The following LYN variants were observed in gnomAD, a reference collection of about 807,000 sequenced individuals.
LYN encodes tyrosine-protein kinase Lyn.
LYN carries 12 observed loss-of-function variants against 65.0 expected under a neutral mutation model. The observed-to-expected ratio is 0.18, with a 90% CI of 0.12 to 0.30. LYN has a LOEUF of 0.30. LYN is among the 10% of genes least tolerant of loss of function. The pLI is 1.00. For synonymous variants in LYN, 222 were observed against 221.2 expected, an observed-to-expected ratio of 1.00 and a Z score of -0.03; for missense variants, 380 against 623.2, an observed-to-expected ratio of 0.61 and a Z score of 4.16.
In LYN at chr8:55,942,026, C is replaced by T; in HGVS notation, c.132+35C>T. On this transcript the variant is annotated intron_variant, in intron 2 of 12. Coordinates refer to ENST00000519728, the MANE Select transcript of LYN (RefSeq NM_002350.4). ...TAGTCTCAGGGGAGAATTCCCACAG[C>T]AAGATCAAAGCATGGCTACATAATT... 1.2e-6 allele frequency: 2 copies of T among 1,608,962 alleles called. No individual in the cohort carries two copies. The highest frequency in any genetic ancestry group is 3.4e-5 in the Admixed American group (2 of 59,440).
chr8:55,999,548 A>G lies in LYN; in HGVS notation c.1335A>G (p.Pro445=). ...TCACCTATGGGAAAATTCCCTACCCAGGTATGGTTTACTTAGCTATTTACA... is the reference window on the plus strand; with the variant it reads ...TCACCTATGGGAAAATTCCCTACCCGGGTATGGTTTACTTAGCTATTTACA... The part of the protein sequence containing the change: ...EIVTYGKIPY[P]GRTNADVMTA... The change falls in exon 12 of 13, where the codon CCA becomes CCG. Residue 445 remains proline, a splice_region_variant and synonymous_variant. Coordinates refer to ENST00000519728, the MANE Select transcript of LYN (RefSeq NM_002350.4). 1.2e-6 allele frequency: 2 copies of G among 1,613,620 alleles called. No individual in the cohort carries two copies. Among genetic ancestry groups the G allele is most frequent in the Non-Finnish European group, 1.7e-6 (2 of 1,179,522 alleles).
chr8:55,944,444 GT>G lies in LYN; in HGVS notation c.133-2000del, dbSNP rs1402559444. ...ATACCATATGCTATAGATTTTGTAG[GT>G]TTTAAAACACAAGTTTTTTCGTTTT... On this transcript the variant is annotated intron_variant, in intron 2 of 12. Coordinates refer to ENST00000519728, the MANE Select transcript of LYN (RefSeq NM_002350.4). Among the ~76,000 whole-genome samples, 16 of 152,196 alleles carry G rather than the reference GT, an allele frequency of 1.1e-4. No homozygotes were observed. The East Asian group carries it at 3.1e-3, about 29-fold the overall frequency.
intron 8 of LYN, among the ~76,000 whole-genome samples, chr8:55,954,443 T>C (rs2130499684): frequency 6.6e-6 from 1 of 152,382 alleles, no homozygotes; most frequent in African/African-American, 2.4e-5. Flanking sequence ...AAATCATTTC[T>C]TAACATTAAG....
rs1388380170 is a variant in LYN, at chr8:56,013,977, T to C, written c.*3867T>C. 6.6e-6 allele frequency: 1 copy of C among 152,238 alleles called. No individual in the cohort carries two copies. 9.4% of individuals were successfully genotyped at this position (152,238 alleles called of 1,614,324 possible). On this transcript the variant is annotated 3_prime_UTR_variant, in exon 13 of 13. Coordinates refer to ENST00000519728, the MANE Select transcript of LYN (RefSeq NM_002350.4). ...ACATACAAAGATACCCATACACACA[T>C]TCTTTACTCAGGGCCCTCTTGTGCT...
chr8:55,902,789 A>G (rs932978189), intron 1 of LYN: 3 of 513,224 alleles, frequency 5.8e-6, no homozygotes, highest in Admixed American at 2.0e-5. Flanking sequence ...ACCTATCTCA[A>G]TTTAGCCACA....
At chr8:55,890,109 T>C (rs2130359743) in intron 1 of LYN, among the ~76,000 whole-genome samples, 1 of 89,226 alleles carries the variant, frequency 1.1e-5, no homozygotes, top group East Asian at 3.2e-4. Context: ...AGAACCTGCC[T>C]CTATAGACAA....
At chr8:55,909,853 T>A (rs1363810274) in intron 1 of LYN, among the ~76,000 whole-genome samples, 2 of 152,226 alleles carry the variant, frequency 1.3e-5, no homozygotes, top group Non-Finnish European at 2.9e-5. Flanking sequence ...ATTTTTCTGA[T>A]GATTGGTGTT....
chr8:55,941,035 C>T (rs1484133883), intron 1 of LYN, among the ~76,000 whole-genome samples: 1 of 152,168 alleles, frequency 6.6e-6, no homozygotes, highest in Non-Finnish European at 1.5e-5. Context: ...TATCTTCTCT[C>T]CCATAAGTGT....
At chr8:55,939,026 G>A (rs1394941542) in intron 1 of LYN, among the ~76,000 whole-genome samples, 1 of 152,238 alleles carries the variant, frequency 6.6e-6, no homozygotes, top group Non-Finnish European at 1.5e-5. Context: ...GGAAATCATT[G>A]TAAAGTGTAG....
chr8:55,902,545 C>T (rs1320213401), intron 1 of LYN, among the ~76,000 whole-genome samples: 1 of 151,268 alleles, frequency 6.6e-6, no homozygotes, highest in African/African-American at 2.4e-5. Context: ...TATTTTGACA[C>T]CTGATCCAAA....
At chr8:55,937,352 A>G (rs943094244) in intron 1 of LYN, among the ~76,000 whole-genome samples, 1 of 152,202 alleles carries the variant, frequency 6.6e-6, no homozygotes, top group African/African-American at 2.4e-5. Flanking sequence ...GCAACAGCCT[A>G]ATTTAAATAT....
At chr8:55,935,325 C>T (rs761082959) in intron 1 of LYN, among the ~76,000 whole-genome samples, 29 of 152,160 alleles carry the variant, frequency 1.9e-4, no homozygotes, top group Non-Finnish European at 4.0e-4. Context: ...GTTACCAGCT[C>T]ACCAACTGTG....
At chr8:55,948,315 G>A (rs1305949400) in intron 4 of LYN, among the ~76,000 whole-genome samples, 3 of 152,100 alleles carry the variant, frequency 2.0e-5, no homozygotes, top group African/African-American at 4.8e-5. Context: ...TAAGAAATTT[G>A]GGTCTGTGTG....
chr8:55,901,515 C>T (rs1050148889), intron 1 of LYN, among the ~76,000 whole-genome samples: 4 of 152,202 alleles, frequency 2.6e-5, no homozygotes, highest in African/African-American at 9.6e-5. Context: ...CCTGGAACTA[C>T]TTCTGGTGGT....
intron 1 of LYN, among the ~76,000 whole-genome samples, chr8:55,884,928 A>C (rs1804750350): frequency 6.6e-6 from 1 of 152,320 alleles, no homozygotes; most frequent in Non-Finnish European, 1.5e-5. Flanking sequence ...TATTTGCCAC[A>C]GAGCTATTTC....
intron 1 of LYN, among the ~76,000 whole-genome samples, chr8:55,920,553 A>G (rs557314369): frequency 6.6e-6 from 1 of 152,332 alleles, no homozygotes; most frequent in African/African-American, 2.4e-5. Flanking sequence ...TACCCTTCAC[A>G]GATGAGGAAA....
intron 8 of LYN, 21 bp from the exon 9 acceptor site, chr8:55,966,694 C>A: frequency 6.2e-7 from 1 of 1,606,832 alleles, no homozygotes; most frequent in Non-Finnish European, 8.5e-7. Context: ...AAAGCATGCC[C>A]GCCTTCTTTT....
At chr8:55,928,147 G>A (rs941657183) in intron 1 of LYN, among the ~76,000 whole-genome samples, 2 of 151,954 alleles carry the variant, frequency 1.3e-5, no homozygotes, top group Non-Finnish European at 2.9e-5. Context: ...TTGTTGCTTG[G>A]TTTGTTCGTT....
chr8:55,976,713 A>G (rs947350290), intron 10 of LYN, among the ~76,000 whole-genome samples: 8 of 152,130 alleles, frequency 5.3e-5, no homozygotes, highest in African/African-American at 1.9e-4. Context: ...GGCTTCCTGG[A>G]GGAGGTCACC....
Sources: allele counts gnomAD v4.1 joint callset (sites outside exome capture counted in the v4.1 genomes callset), GRCh38; gene constraint gnomAD v4.1.1; transcripts MANE v1.5; gene names NCBI Gene and HGNC (gene_info 2026-07-23, HGNC 2026-07-21).